The following MARK1 variants were observed in gnomAD, a reference collection of about 807,000 sequenced individuals.
MARK1 encodes the protein serine/threonine-protein kinase MARK1.
A neutral mutation model predicts 96.3 loss-of-function variants in MARK1; 40 were observed. The observed-to-expected ratio is 0.42, with a 90% CI of 0.32 to 0.54. MARK1 has a LOEUF of 0.54. Among genes scored for constraint, MARK1 ranks in the 20% least tolerant of loss-of-function variants. The pLI, the probability that MARK1 is intolerant of heterozygous loss-of-function variation, is 0.16. For missense variants in MARK1, 719 were observed against 984.6 expected (o/e 0.73, Z 3.61); for synonymous variants, 317 against 341.2 (o/e 0.93, Z 0.78).
At chr1:220,563,013 G>A (rs1662778068) in intron 1 of MARK1, among the ~76,000 whole-genome samples, 1 of 152,174 alleles carries the variant, frequency 6.6e-6, no homozygotes, top group South Asian at 2.1e-4. Flanking sequence ...TAAGTAGGTA[G>A]CTTGGCCAGT....
intron 3 of MARK1, among the ~76,000 whole-genome samples, chr1:220,592,524 T>G (rs1489725449): frequency 6.6e-6 from 1 of 152,042 alleles, no homozygotes; most frequent in East Asian, 1.9e-4. Flanking sequence ...AGAACCATCC[T>G]GGACAACACG....
chr1:220,633,648 A>G (rs1053019490), intron 11 of MARK1, among the ~76,000 whole-genome samples: 1 of 152,218 alleles, frequency 6.6e-6, no homozygotes, highest in Non-Finnish European at 1.5e-5. Flanking sequence ...TGTACCTACA[A>G]CAGGCTAAGG....
At chr1:220,586,011 A>ACGCGCGCGCG (rs1553322975) in intron 3 of MARK1, among the ~76,000 whole-genome samples, 137 of 148,622 alleles carry the variant, frequency 9.2e-4, no homozygotes, top group African/African-American at 3.4e-3. Context: ...ACACACACAC[A>ACGCGCGCGCG]CGCGCGCGTG....
chr1:220,532,352 T>G (rs1190791364), intron 1 of MARK1, among the ~76,000 whole-genome samples: 1 of 152,228 alleles, frequency 6.6e-6, no homozygotes, highest in Non-Finnish European at 1.5e-5. Flanking sequence ...TTTCTGTGCA[T>G]CCTTCACATG....
chr1:220,634,284 A>G lies in MARK1; in HGVS notation c.1123-1092A>G, dbSNP rs1051536152. The stretch of plus-strand genomic sequence containing the variant: ...TTATAAGTATATAACCATGCCACGC[A>G]TGAATTTAAATGAAGTATGAATTGT... On this transcript the variant is annotated intron_variant, in intron 11 of 17. Transcript: ENST00000366917. 2.0e-5 allele frequency among the ~76,000 whole-genome samples: 3 copies of G among 152,348 alleles called. No homozygotes were observed. The South Asian group carries it at 6.2e-4, about 32-fold the overall frequency.
chr1:220,575,385 T>G (rs1009091308), intron 1 of MARK1, among the ~76,000 whole-genome samples: 4 of 152,184 alleles, frequency 2.6e-5, no homozygotes, highest in African/African-American at 9.6e-5. Flanking sequence ...TTAACAGCCT[T>G]AGGATTGAGG....
At chr1:220,610,896 G>A (rs571764392) in intron 6 of MARK1, among the ~76,000 whole-genome samples, 94 of 152,314 alleles carry the variant, frequency 6.2e-4, no homozygotes, top group African/African-American at 2.1e-3. Flanking sequence ...CTGCAGAACA[G>A]CAAATATTAC....
intron 3 of MARK1, among the ~76,000 whole-genome samples, chr1:220,585,066 TA>T (rs1416409754): frequency 6.6e-6 from 1 of 152,220 alleles, no homozygotes; most frequent in Non-Finnish European, 1.5e-5. Flanking sequence ...GTAGACTGCA[TA>T]AGTTATCTTT....
intron 14 of MARK1, 96 bp downstream of exon 14, chr1:220,650,816 C>A: frequency 1.3e-6 from 1 of 768,484 alleles, no homozygotes. Context: ...AGGAGAAAAG[C>A]AGTTATTACA....
intron 13 of MARK1, among the ~76,000 whole-genome samples, chr1:220,639,311 A>G (rs934873178): frequency 2.6e-5 from 4 of 152,194 alleles, no homozygotes; most frequent in Non-Finnish European, 5.9e-5. Context: ...GTATATGTAC[A>G]CAGAGCATTA....
chr1:220,538,090 T>C (rs11807373), intron 1 of MARK1, among the ~76,000 whole-genome samples: 132,743 of 151,108 alleles, frequency 0.88, 60,910 homozygotes, highest in East Asian at 1. Flanking sequence ...AATTAGATCC[T>C]GTTTGTCAAT....
chr1:220,617,386 T>C (rs529501313), intron 7 of MARK1, among the ~76,000 whole-genome samples: 2 of 152,314 alleles, frequency 1.3e-5, no homozygotes, highest in East Asian at 1.9e-4. Flanking sequence ...TTGACTCTTA[T>C]AATTGTTGGA....
At chr1:220,575,908 GGAT>G (rs1437211643) in intron 1 of MARK1, among the ~76,000 whole-genome samples, 1 of 149,848 alleles carries the variant, frequency 6.7e-6, no homozygotes, top group East Asian at 2.0e-4. Flanking sequence ...TTGGTGATGG[GGAT>G]GCAAAATAAT....
chr1:220,651,464 A>T (rs1476431002), intron 14 of MARK1, among the ~76,000 whole-genome samples: 3 of 152,264 alleles, frequency 2.0e-5, no homozygotes, highest in Middle Eastern at 3.4e-3. Context: ...CAGACTTATG[A>T]TTTTTCCTAT....
chr1:220,579,979 G>A (rs923389964), intron 2 of MARK1, among the ~76,000 whole-genome samples: 7 of 152,158 alleles, frequency 4.6e-5, no homozygotes, highest in Non-Finnish European at 1.0e-4. Flanking sequence ...TTCTATATGG[G>A]TGGTTTTCTC....
chr1:220,636,898 G>A lies in MARK1; in HGVS notation c.1470+872G>A, dbSNP rs560927972. Among the ~76,000 whole-genome samples the A allele has an allele frequency of 1.5e-3, 224 of 144,634 alleles. 1 individual carries two copies. Among genetic ancestry groups the A allele is most frequent in the Middle Eastern group, 3.6e-3 (1 of 278 alleles). 94.9% of individuals were successfully genotyped at this position (144,634 alleles called of 152,430 possible). A position where few individuals can be genotyped will look rare whatever the true frequency, so the allele number is the denominator to read the frequency against. On this transcript the variant is annotated intron_variant, in intron 13 of 17. Coordinates refer to ENST00000366917, the MANE Select transcript of MARK1 (RefSeq NM_018650.5). ...AGCCTGGGCAGCAGAGCGAGACTCC[G>A]TTTAAAAAAAAAAAAAAAAGGAACA...
At chr1:220,625,677 C>T in intron 9 of MARK1, 1 of 322,018 alleles carries the variant, frequency 3.1e-6, no homozygotes, top group Non-Finnish European at 6.2e-6. Flanking sequence ...CTTCACTTAC[C>T]ATTCCCATAC....
chr1:220,540,567 G>A (rs913496719), intron 1 of MARK1, among the ~76,000 whole-genome samples: 5 of 151,996 alleles, frequency 3.3e-5, no homozygotes, highest in African/African-American at 9.7e-5. Context: ...TAACTATCAC[G>A]GTAAGTTATA....
intron 9 of MARK1, among the ~76,000 whole-genome samples, chr1:220,621,230 A>G (rs1270259273): frequency 6.6e-6 from 1 of 151,970 alleles, no homozygotes; most frequent in Non-Finnish European, 1.5e-5. Flanking sequence ...ACGTAACGTA[A>G]TTTATTTAAC....
Sources: allele counts gnomAD v4.1 joint callset (sites outside exome capture counted in the v4.1 genomes callset), GRCh38; gene constraint gnomAD v4.1.1; transcripts MANE v1.5; gene names NCBI Gene and HGNC (gene_info 2026-07-23, HGNC 2026-07-21).